The following CCDC102B variants were observed in gnomAD, a reference collection of about 807,000 sequenced individuals.
The protein encoded by CCDC102B is coiled-coil domain-containing protein 102B.
Under a neutral mutation model 57.4 loss-of-function variants are expected in CCDC102B, and 75 were observed. The ratio of observed to expected loss-of-function variants is 1.31; its 90% CI spans 1.08 to 1.58. The LOEUF is 1.58. CCDC102B is among the 40% of genes most tolerant of loss of function. The pLI is 0.00. For missense variants in CCDC102B, 636 were observed against 582.6 expected (o/e 1.09, Z -0.94); for synonymous variants, 206 against 201.9 (o/e 1.02, Z -0.17).
chr18:68,875,814 G>A (rs905817848), intron 5 of CCDC102B, among the ~76,000 whole-genome samples: 1 of 152,132 alleles, frequency 6.6e-6, no homozygotes, highest in Non-Finnish European at 1.5e-5. Flanking sequence ...CTGAGACAGA[G>A]TGCTCTAGTA....
intron 2 of CCDC102B, among the ~76,000 whole-genome samples, chr18:68,756,009 C>G (rs1182901560): frequency 1.3e-5 from 2 of 151,232 alleles, no homozygotes; most frequent in African/African-American, 4.8e-5. Flanking sequence ...TTCTAAATAT[C>G]AAAATACATG....
At chr18:68,903,547 T>C (rs528915664) in intron 6 of CCDC102B, among the ~76,000 whole-genome samples, 10 of 152,352 alleles carry the variant, frequency 6.6e-5, no homozygotes, top group South Asian at 4.1e-4. Context: ...ATAGTATCTA[T>C]AGTGTAAATA....
chr18:68,842,963 T>C (rs2037702958), intron 3 of CCDC102B, among the ~76,000 whole-genome samples: 1 of 152,172 alleles, frequency 6.6e-6, no homozygotes, highest in African/African-American at 2.4e-5. Context: ...ACCAGTTTTG[T>C]GGCATGAGAG....
chr18:68,853,235 C>T (rs1167224925), intron 4 of CCDC102B, among the ~76,000 whole-genome samples: 1 of 152,058 alleles, frequency 6.6e-6, no homozygotes, highest in African/African-American at 2.4e-5. Context: ...TGATAATGCA[C>T]CATACATTTA....
intron 6 of CCDC102B, among the ~76,000 whole-genome samples, chr18:68,993,894 T>C (rs937987023): frequency 1.3e-5 from 2 of 152,192 alleles, no homozygotes; most frequent in East Asian, 1.9e-4. Context: ...TACCTTCCCA[T>C]AGTGTACGCC....
intron 5 of CCDC102B, among the ~76,000 whole-genome samples, chr18:68,895,593 T>C (rs2040214820): frequency 1.3e-5 from 2 of 151,742 alleles, no homozygotes; most frequent in African/African-American, 2.4e-5. Flanking sequence ...TTTTATCCTT[T>C]TGAGATATTT....
At chr18:69,013,042 A>T (rs1555672006) in intron 7 of CCDC102B, among the ~76,000 whole-genome samples, 1 of 152,068 alleles carries the variant, frequency 6.6e-6, no homozygotes, top group Non-Finnish European at 1.5e-5. Context: ...GAAAAAAAAA[A>T]CATTATATCA....
intron 5 of CCDC102B, among the ~76,000 whole-genome samples, chr18:68,893,947 TCAAA>T (rs2040161342): frequency 6.6e-6 from 1 of 152,102 alleles, no homozygotes; most frequent in Admixed American, 6.6e-5. Context: ...CTTGCACTGT[TCAAA>T]CATTTTTCTT....
At chr18:69,015,524 G>A (rs2051640841) in intron 7 of CCDC102B, among the ~76,000 whole-genome samples, 1 of 152,102 alleles carries the variant, frequency 6.6e-6, no homozygotes, top group South Asian at 2.1e-4. Flanking sequence ...CAATTTAATA[G>A]TAGCAAATTC....
chr18:69,047,616 A>T (rs753352014), intron 7 of CCDC102B, among the ~76,000 whole-genome samples: 1 of 152,110 alleles, frequency 6.6e-6, no homozygotes, highest in Non-Finnish European at 1.5e-5. Flanking sequence ...TTTGCAGATG[A>T]CGTGATTCTA....
chr18:68,792,022 A>C (rs1443215734), intron 2 of CCDC102B, among the ~76,000 whole-genome samples: 1 of 152,218 alleles, frequency 6.6e-6, no homozygotes, highest in African/African-American at 2.4e-5. Context: ...CTCACATAAC[A>C]AAGCATTATC....
chr18:68,829,860 C>T (rs975142004), intron 1 of CCDC102B, among the ~76,000 whole-genome samples: 4 of 151,622 alleles, frequency 2.6e-5, no homozygotes, highest in African/African-American at 9.7e-5. Context: ...TTGGAAATCT[C>T]GATGAATTCA....
chr18:68,798,966 C>T (rs1037621787), intron 1 of CCDC102B, among the ~76,000 whole-genome samples: 1 of 151,860 alleles, frequency 6.6e-6, no homozygotes, highest in African/African-American at 2.4e-5. Context: ...AGAAATATGT[C>T]AGTAACATAG....
chr18:68,897,511 C>G, intron 6 of CCDC102B, 83 bp downstream of exon 6: 1 of 1,547,934 alleles, frequency 6.5e-7, no homozygotes, highest in Non-Finnish European at 8.9e-7. Context: ...TCGTACACGC[C>G]TCCACATTTG....
intron 6 of CCDC102B, among the ~76,000 whole-genome samples, chr18:68,995,997 G>T (rs907893829): frequency 1.3e-5 from 2 of 152,196 alleles, no homozygotes; most frequent in African/African-American, 4.8e-5. Flanking sequence ...GTGAGACATA[G>T]AGTCAAAGTT....
At chr18:68,847,725 G>A (rs2037938213) in intron 4 of CCDC102B, among the ~76,000 whole-genome samples, 1 of 151,684 alleles carries the variant, frequency 6.6e-6, no homozygotes, top group Admixed American at 6.6e-5. Context: ...TGATGCTTTT[G>A]GTAGATAAAA....
chr18:68,788,084 G>A (rs1281543002), intron 2 of CCDC102B, among the ~76,000 whole-genome samples: 12 of 151,756 alleles, frequency 7.9e-5, no homozygotes, highest in Admixed American at 5.9e-4. Flanking sequence ...ATTTCGTTAT[G>A]TACCCAGTAG....
chr18:69,040,362 T>C (rs999898761), intron 7 of CCDC102B, among the ~76,000 whole-genome samples: 4 of 151,156 alleles, frequency 2.6e-5, no homozygotes, highest in Non-Finnish European at 4.4e-5. Context: ...ATTATATCTA[T>C]GTAGATTTAG....
intron 6 of CCDC102B, 173 bp downstream of exon 6, chr18:68,897,601 C>A (rs1238569550): frequency 2.6e-6 from 4 of 1,564,610 alleles, no homozygotes; most frequent in Non-Finnish European, 3.5e-6. Flanking sequence ...GTTCATGCAT[C>A]TGAAACAAAG....
Sources: gnomAD v4.1 joint callset for allele counts (sites outside exome capture counted in the v4.1 genomes callset) on GRCh38, gnomAD v4.1.1 for gene constraint, MANE v1.5 for transcripts, NCBI Gene and HGNC (gene_info 2026-07-23, HGNC 2026-07-21) for gene names.